The following STK32A variants were observed in gnomAD, a reference collection of about 807,000 sequenced individuals.
STK32A encodes serine/threonine kinase 32A.
In STK32A, 41 loss-of-function variants were observed where a neutral mutation model predicts 53.2. That is an observed-to-expected ratio of 0.77 (90% CI 0.60 to 1.00). STK32A has a LOEUF of 1.00. Among genes scored for constraint, STK32A ranks in the 50% least tolerant of loss-of-function variants. The pLI, the probability that STK32A is intolerant of heterozygous loss-of-function variation, is 0.00. For synonymous variants in STK32A, 166 were observed against 162.8 expected (o/e 1.02, Z -0.15); for missense variants, 458 against 485.8 (o/e 0.94, Z 0.54).
chr5:147,400,638 C>A, the STK32A span: 1 of 1,595,074 alleles, frequency 6.3e-7, no homozygotes, highest in Non-Finnish European at 8.6e-7. Context: ...AGGTTCTGAT[C>A]TGGCCCATGG....
At chr5:147,269,647 G>T (rs1754947423) in intron 2 of STK32A, among the ~76,000 whole-genome samples, 1 of 152,038 alleles carries the variant, frequency 6.6e-6, no homozygotes. Flanking sequence ...CTCCTCTCTG[G>T]GGAATTTATC....
At chr5:147,279,179 GT>G in intron 3 of STK32A, 67 bp from the exon 4 acceptor site, 1 of 1,478,202 alleles carries the variant, frequency 6.8e-7, no homozygotes, top group Non-Finnish European at 9.2e-7. Context: ...AACATGTCTT[GT>G]TCTGTCTCTC....
At chr5:147,373,853 G>A (rs78860533) in intron 10 of STK32A, among the ~76,000 whole-genome samples, 4,133 of 152,234 alleles carry the variant, frequency 0.027, 189 homozygotes, top group East Asian at 0.2. Context: ...GCATTATGCT[G>A]GTAAGAGCCA....
At chr5:147,398,981 T>A in the STK32A span, 2 of 1,466,722 alleles carry the variant, frequency 1.4e-6, no homozygotes, top group East Asian at 2.3e-5. Context: ...CAACCCGTCC[T>A]AGTCTAACTA....
At chr5:147,263,019 C>A (rs892414878) in intron 2 of STK32A, among the ~76,000 whole-genome samples, 13 of 152,182 alleles carry the variant, frequency 8.5e-5, no homozygotes, top group Admixed American at 7.2e-4. Context: ...TTCTCCACTC[C>A]ATACTATGGT....
intron 4 of STK32A, among the ~76,000 whole-genome samples, chr5:147,304,351 G>T (rs1250571487): frequency 6.6e-6 from 1 of 152,196 alleles, no homozygotes; most frequent in East Asian, 1.9e-4. Context: ...TGGGGAGATT[G>T]GAGGAGGAGC....
At chr5:147,348,895 T>C in intron 6 of STK32A, 1 of 588,118 alleles carries the variant, frequency 1.7e-6, no homozygotes, top group Non-Finnish European at 3.1e-6. Flanking sequence ...TTGAGAAGAC[T>C]ATGATTATCT....
intron 6 of STK32A, among the ~76,000 whole-genome samples, chr5:147,344,019 T>C (rs1755564993): frequency 6.6e-6 from 1 of 152,190 alleles, no homozygotes; most frequent in Non-Finnish European, 1.5e-5. Context: ...TATATTGGGA[T>C]TTATTAGAAT....
At chr5:147,251,823 G>T (rs539684723) in intron 2 of STK32A, among the ~76,000 whole-genome samples, 1 of 152,240 alleles carries the variant, frequency 6.6e-6, no homozygotes, top group East Asian at 1.9e-4. Flanking sequence ...ATCCAGTTCA[G>T]CACCACTCTT....
intron 6 of STK32A, chr5:147,343,284 T>C: frequency 1.4e-6 from 1 of 697,188 alleles, no homozygotes; most frequent in Admixed American, 1.9e-5. Context: ...TACTCAATTT[T>C]CTTCCACTAC....
At chr5:147,236,243 A>T (rs999657994) in intron 1 of STK32A, among the ~76,000 whole-genome samples, 2 of 152,152 alleles carry the variant, frequency 1.3e-5, no homozygotes, top group African/African-American at 4.8e-5. Flanking sequence ...ATAATCTGAT[A>T]ATCGGCCAGG....
In STK32A at chr5:147,384,241, A is replaced by G; in HGVS notation, c.*258A>G. 7.4e-7 allele frequency: 1 copy of G among 1,344,100 alleles called. No individual in the cohort carries two copies. Among genetic ancestry groups the G allele is most frequent in the Non-Finnish European group, 9.7e-7 (1 of 1,033,602 alleles). The allele number at this position is 1,344,100 out of a possible 1,614,324, so 83.3% of individuals were successfully genotyped here. A position where few individuals can be genotyped will look rare whatever the true frequency, so the allele number is the denominator to read the frequency against. Reference sequence around the variant, plus strand: ...CTGTGCTTTACTTTATTTATCTAAAATGAGAGGGTTATACTAGACGAGCCA... The same window carrying G: ...CTGTGCTTTACTTTATTTATCTAAAGTGAGAGGGTTATACTAGACGAGCCA... On this transcript the variant is annotated 3_prime_UTR_variant, in exon 13 of 13. Transcript: ENST00000397936.
At chr5:147,325,736 C>T (rs1371638906) in intron 5 of STK32A, among the ~76,000 whole-genome samples, 1 of 152,130 alleles carries the variant, frequency 6.6e-6, no homozygotes, top group Non-Finnish European at 1.5e-5. Context: ...AACTAGAAAT[C>T]CTGTTCTCAA....
At chr5:147,248,592 T>C (rs1215347019) in intron 2 of STK32A, among the ~76,000 whole-genome samples, 3 of 152,182 alleles carry the variant, frequency 2.0e-5, no homozygotes, top group East Asian at 3.8e-4. Flanking sequence ...GATCCCCCCA[T>C]CCTGCCCCAC....
At chr5:147,295,754 A>C (rs1184788385) in intron 4 of STK32A, among the ~76,000 whole-genome samples, 4 of 152,084 alleles carry the variant, frequency 2.6e-5, no homozygotes. Context: ...TTTCTCTCCC[A>C]CCTTTAGACT....
intron 2 of STK32A, among the ~76,000 whole-genome samples, chr5:147,242,172 A>G (rs1188815969): frequency 6.6e-6 from 1 of 152,126 alleles, no homozygotes; most frequent in East Asian, 1.9e-4. Flanking sequence ...AATGAGATGA[A>G]CCCACTGCAG....
intron 6 of STK32A, among the ~76,000 whole-genome samples, chr5:147,346,599 G>C (rs1414662376): frequency 6.6e-6 from 1 of 152,152 alleles, no homozygotes; most frequent in East Asian, 1.9e-4. Context: ...CATCTGTACT[G>C]TTCTCCCCAA....
At chr5:147,374,726 T>C (rs2152005157) in intron 10 of STK32A, among the ~76,000 whole-genome samples, 2 of 152,294 alleles carry the variant, frequency 1.3e-5, no homozygotes, top group East Asian at 3.9e-4. Flanking sequence ...TCTGAAATTC[T>C]GATTTGGGAA....
At chr5:147,273,473 G>A (rs987650) in intron 2 of STK32A, among the ~76,000 whole-genome samples, 129,497 of 152,174 alleles carry the variant, frequency 0.85, 55,538 homozygotes, top group African/African-American at 0.94. Context: ...GGCAGACTCA[G>A]GTGAGTTGAT....
Sources: gnomAD v4.1 joint callset for allele counts (sites outside exome capture counted in the v4.1 genomes callset) on GRCh38, gnomAD v4.1.1 for gene constraint, MANE v1.5 for transcripts, NCBI Gene and HGNC (gene_info 2026-07-23, HGNC 2026-07-21) for gene names.